The following FCHSD2 variants were observed in gnomAD, a reference collection of about 807,000 sequenced individuals.
The protein encoded by FCHSD2 is F-BAR and double SH3 domains protein 2.
A neutral mutation model predicts 108.1 loss-of-function variants in FCHSD2; 38 were observed. The ratio of observed to expected loss-of-function variants is 0.35; its 90% CI spans 0.27 to 0.46. The LOEUF (loss-of-function observed/expected upper bound fraction) is 0.46. FCHSD2 is among the 20% of genes least tolerant of loss of function. The probability of loss-of-function intolerance (pLI) is 1.00; values close to 1 mark genes in which losing one functional copy is unlikely to be tolerated. For missense variants in FCHSD2, 751 were observed against 897.8 expected, an observed-to-expected ratio of 0.84 and a Z score of 2.09; for synonymous variants, 279 against 314.7, an observed-to-expected ratio of 0.89 and a Z score of 1.20.
At chr11:73,023,915 A>C in intron 3 of FCHSD2, among the ~76,000 whole-genome samples, 1 of 152,212 alleles carries the variant, frequency 6.6e-6, no homozygotes, top group Non-Finnish European at 1.5e-5. Flanking sequence ...AAGGTTACAC[A>C]CTGTATTATT....
At chr11:73,092,862 CT>C (rs1486831908) in intron 2 of FCHSD2, among the ~76,000 whole-genome samples, 1 of 152,142 alleles carries the variant, frequency 6.6e-6, no homozygotes, top group Non-Finnish European at 1.5e-5. Flanking sequence ...TTGTCTTTGG[CT>C]TCTGGGAGGT....
chr11:73,076,980 G>A (rs565245370), intron 3 of FCHSD2, among the ~76,000 whole-genome samples: 2 of 151,420 alleles, frequency 1.3e-5, no homozygotes, highest in Admixed American at 1.3e-4. Flanking sequence ...CATGGTGGCG[G>A]GCACCTGTAG....
chr11:72,940,652 G>T, intron 8 of FCHSD2: 1 of 1,390,836 alleles, frequency 7.2e-7, no homozygotes, highest in Non-Finnish European at 1.0e-6. Context: ...CGCCGACCAG[G>T]CTGCAAGGCC....
chr11:73,125,274 T>C (rs1442964171), intron 2 of FCHSD2, among the ~76,000 whole-genome samples: 2 of 152,210 alleles, frequency 1.3e-5, no homozygotes. Flanking sequence ...AGATACCTGT[T>C]TAAAGAAAAC....
At chr11:73,093,857 G>A (rs1443860212) in intron 2 of FCHSD2, among the ~76,000 whole-genome samples, 12 of 151,890 alleles carry the variant, frequency 7.9e-5, no homozygotes, top group African/African-American at 1.2e-4. Context: ...TGCCCACCTC[G>A]GCCTCCCAAA....
chr11:72,928,295 T>C (rs917595016), intron 8 of FCHSD2, among the ~76,000 whole-genome samples: 4 of 152,130 alleles, frequency 2.6e-5, no homozygotes, highest in African/African-American at 4.8e-5. Flanking sequence ...TTTTGCAAAG[T>C]AGAAATTCTT....
Position 72,884,530 on chromosome 11 carries a change from TTATATATAAGATCATATATATAGTTTA to T in FCHSD2, c.1146+2913_1146+2939del, listed in dbSNP as rs369874613. Among the ~76,000 whole-genome samples the T allele has an allele frequency of 6.9e-3, 1,026 of 148,336 alleles. 8 individuals are homozygous for T. Among genetic ancestry groups the T allele is most frequent in the African/African-American group, 0.024 (972 of 40,746 alleles). ...TATCATATATATAATCATACATAGT[TTATATATAAGATCATATATATAGTTTA>T]TATATATGATGATATATATAAAAGA... On this transcript the variant is annotated intron_variant, in intron 12 of 19. Transcript: ENST00000409418.
At chr11:72,953,443 T>C (rs975261) in intron 8 of FCHSD2, among the ~76,000 whole-genome samples, 145,581 of 152,278 alleles carry the variant, frequency 0.96, 69,835 homozygotes, top group East Asian at 1. Flanking sequence ...TTGACACTAG[T>C]ACTCCTTGTA....
chr11:72,931,547 A>G (rs1266742811), intron 8 of FCHSD2, among the ~76,000 whole-genome samples: 2 of 151,854 alleles, frequency 1.3e-5, no homozygotes, highest in African/African-American at 4.8e-5. Flanking sequence ...CAGGTGGATC[A>G]CAAGGTCAGG....
chr11:72,866,271 GT>G (rs532751127), intron 13 of FCHSD2, among the ~76,000 whole-genome samples: 1 of 111,916 alleles, frequency 8.9e-6, no homozygotes, highest in Non-Finnish European at 2.0e-5. Flanking sequence ...GTTTTGTTTT[GT>G]TTTTTTTGTT....
intron 2 of FCHSD2, among the ~76,000 whole-genome samples, chr11:73,109,770 T>A (rs1258717535): frequency 6.6e-6 from 1 of 152,234 alleles, no homozygotes; most frequent in Non-Finnish European, 1.5e-5. Flanking sequence ...ATCCTTGCCA[T>A]GTTCCAGATC....
chr11:73,037,366 T>TATC (rs1216477184), intron 3 of FCHSD2, among the ~76,000 whole-genome samples: 1 of 152,180 alleles, frequency 6.6e-6, no homozygotes, highest in East Asian at 1.9e-4. Context: ...TATAGTGACA[T>TATC]ATCCATCATT....
At position 73,057,744 on chromosome 11, in the gene FCHSD2, C is replaced by T. The variant is rs1859060596; in HGVS notation, c.165+25951G>A. On this transcript the variant is annotated intron_variant, in intron 3 of 19. Coordinates refer to ENST00000409418, the MANE Select transcript of FCHSD2 (RefSeq NM_014824.3). ...TACATCTATTAATCAAGCTCAGTCC[C>T]TAACCCTTTAAATCAGAGCTTCCCA... 2.0e-5 allele frequency among the ~76,000 whole-genome samples: 3 copies of T among 152,300 alleles called. No homozygotes were observed. The East Asian group carries it at 5.8e-4, about 29-fold the overall frequency.
At chr11:73,111,188 C>T (rs529145343) in intron 2 of FCHSD2, among the ~76,000 whole-genome samples, 3 of 152,154 alleles carry the variant, frequency 2.0e-5, no homozygotes, top group East Asian at 1.9e-4. Flanking sequence ...CAGGTCCATT[C>T]GGTCTATAGT....
chr11:72,951,426 G>C (rs1305647094), intron 8 of FCHSD2, among the ~76,000 whole-genome samples: 4 of 152,192 alleles, frequency 2.6e-5, no homozygotes, highest in Non-Finnish European at 4.4e-5. Context: ...CGCAGCTCTA[G>C]GGCAGAGTTT....
At chr11:72,879,117 A>G (rs1855028399) in intron 12 of FCHSD2, among the ~76,000 whole-genome samples, 1 of 152,136 alleles carries the variant, frequency 6.6e-6, no homozygotes, top group Non-Finnish European at 1.5e-5. Context: ...TCTCAAAAAC[A>G]AAACAAAACA....
intron 8 of FCHSD2, among the ~76,000 whole-genome samples, chr11:72,980,480 G>A (rs968865204): frequency 6.6e-6 from 1 of 151,974 alleles, no homozygotes; most frequent in African/African-American, 2.4e-5. Context: ...TAAATAATGA[G>A]CTATGAACTT....
intron 3 of FCHSD2, among the ~76,000 whole-genome samples, chr11:73,059,938 T>C (rs1178768062): frequency 1.3e-5 from 2 of 152,232 alleles, no homozygotes; most frequent in Non-Finnish European, 2.9e-5. Flanking sequence ...TACCCTAAAC[T>C]GTACCTTGTT....
intron 12 of FCHSD2, among the ~76,000 whole-genome samples, chr11:72,868,907 T>A (rs558191190): frequency 1.3e-3 from 198 of 152,134 alleles, no homozygotes; most frequent in South Asian, 6.2e-3. Context: ...CTTTTTTTTT[T>A]AAATTTTTTA....
Sources: allele counts gnomAD v4.1 joint callset (sites outside exome capture counted in the v4.1 genomes callset), GRCh38; gene constraint gnomAD v4.1.1; transcripts MANE v1.5; gene names NCBI Gene and HGNC (gene_info 2026-07-23, HGNC 2026-07-21).